Variants in COL22A1 observed in about 807,000 individuals in gnomAD.
The protein encoded by COL22A1 is collagen type XXII alpha 1 chain, also known as collagen alpha-1(XXII) chain.
Under a neutral mutation model 248.9 loss-of-function variants are expected in COL22A1, and 221 were observed. The observed-to-expected ratio is 0.89, with a 90% confidence interval of 0.80 to 0.99. The LOEUF (loss-of-function observed/expected upper bound fraction) is 0.99, where lower values mean the gene tolerates loss of function less well. COL22A1 is among the 50% of genes least tolerant of loss of function. The pLI is 0.00. For missense variants in COL22A1, 2,240 were observed against 2,179.0 expected, an observed-to-expected ratio of 1.03 and a Z score of -0.56; for synonymous variants, 891 against 793.4, an observed-to-expected ratio of 1.12 and a Z score of -2.07.
At chr8:138,591,290 T>C (rs1817017679) in intron 64 of COL22A1, 134 bp downstream of exon 64, 3 of 451,566 alleles carry the variant, frequency 6.6e-6, no homozygotes. Flanking sequence ...GTGAGTGATC[T>C]CTGTCTCCTC....
chr8:138,795,707 T>A (rs1816453767), intron 12 of COL22A1, among the ~76,000 whole-genome samples: 1 of 152,262 alleles, frequency 6.6e-6, no homozygotes, highest in South Asian at 2.1e-4. Context: ...AATAATGTAT[T>A]TTGCCCACCA....
chr8:138,830,354 GA>G (rs886952572), intron 5 of COL22A1, among the ~76,000 whole-genome samples: 1 of 152,220 alleles, frequency 6.6e-6, no homozygotes, highest in East Asian at 1.9e-4. Flanking sequence ...AAAAAGGTGA[GA>G]AAAAATGTAA....
intron 23 of COL22A1, among the ~76,000 whole-genome samples, chr8:138,736,505 C>T (rs1197873097): frequency 6.6e-6 from 1 of 152,058 alleles, no homozygotes; most frequent in African/African-American, 2.4e-5. Flanking sequence ...CAGAGGGTGG[C>T]CCTGAGTGAA....
intron 35 of COL22A1, among the ~76,000 whole-genome samples, chr8:138,691,707 GGTGT>G (rs1396147746): frequency 1.9e-5 from 1 of 54,026 alleles, no homozygotes; most frequent in Non-Finnish European, 3.8e-5. Flanking sequence ...TATTTGTGGA[GGTGT>G]GTTTATGTGT....
chr8:138,759,288 T>C (rs1833260410), intron 18 of COL22A1, among the ~76,000 whole-genome samples: 2 of 152,202 alleles, frequency 1.3e-5, no homozygotes, highest in Non-Finnish European at 2.9e-5. Flanking sequence ...TTAGAGCATA[T>C]GCTGGAAACC....
chr8:138,608,459 C>T (rs937762226), intron 56 of COL22A1, among the ~76,000 whole-genome samples: 1 of 152,130 alleles, frequency 6.6e-6, no homozygotes, highest in African/African-American at 2.4e-5. Context: ...GATCATTATA[C>T]TCTCATTTAA....
intron 15 of COL22A1, chr8:138,778,030 G>A (rs1176911699): frequency 4.7e-6 from 2 of 424,860 alleles, no homozygotes; most frequent in Admixed American, 7.2e-5. Context: ...TACAGGACAG[G>A]CTGGGGAAAA....
intron 12 of COL22A1, among the ~76,000 whole-genome samples, chr8:138,784,101 G>A (rs1815286930): frequency 6.6e-6 from 1 of 152,234 alleles, no homozygotes; most frequent in African/African-American, 2.4e-5. Context: ...AGGGTTCGAA[G>A]ATGTTAGTTG....
chr8:138,717,862 C>T (rs370365318), intron 27 of COL22A1, among the ~76,000 whole-genome samples: 22 of 152,212 alleles, frequency 1.4e-4, no homozygotes, highest in South Asian at 1.0e-3. Flanking sequence ...GTGGTGAGCG[C>T]GGACTATCAT....
intron 23 of COL22A1, among the ~76,000 whole-genome samples, chr8:138,732,378 T>C: frequency 6.6e-6 from 1 of 152,238 alleles, no homozygotes; most frequent in South Asian, 2.1e-4. Context: ...AAGAAAAATC[T>C]GGGACTTTGG....
intron 31 of COL22A1, 42 bp downstream of exon 31, chr8:138,703,264 T>C (rs1268939791): frequency 3.8e-6 from 6 of 1,565,740 alleles, no homozygotes; most frequent in East Asian, 2.2e-5. Flanking sequence ...AATCCCAATA[T>C]AGGAATTCAG....
chr8:138,780,779 C>T, intron 13 of COL22A1, 148 bp downstream of exon 13: 1 of 719,562 alleles, frequency 1.4e-6, no homozygotes, highest in East Asian at 2.6e-5. Context: ...GGCTGAGCTC[C>T]TGGTATCTGC....
chr8:138,691,696 A>G (rs1826909757), intron 35 of COL22A1, among the ~76,000 whole-genome samples: 2 of 22,762 alleles, frequency 8.8e-5, no homozygotes, highest in Admixed American at 1.2e-3. Context: ...GCATGTGTGC[A>G]TATTTGTGGA....
intron 3 of COL22A1, among the ~76,000 whole-genome samples, chr8:138,865,427 G>T (rs534038395): frequency 6.7e-6 from 1 of 149,092 alleles, no homozygotes; most frequent in African/African-American, 2.5e-5. Context: ...TTGTAGGCAC[G>T]TGTGTGGTGT....
chr8:138,623,885 G>A (rs1820036329), intron 51 of COL22A1, 100 bp from the exon 52 acceptor site: 5 of 1,019,120 alleles, frequency 4.9e-6, no homozygotes, highest in Admixed American at 2.2e-5. Context: ...GCTTCCAGCA[G>A]TTGCCTTCAC....
chr8:138,634,191 A>C (rs1820953309), intron 49 of COL22A1, among the ~76,000 whole-genome samples: 1 of 152,218 alleles, frequency 6.6e-6, no homozygotes, highest in African/African-American at 2.4e-5. Context: ...ATGACAAAGC[A>C]AGCTTAATTT....
chr8:138,838,025 T>C (rs1270482680), intron 4 of COL22A1, among the ~76,000 whole-genome samples: 2 of 151,866 alleles, frequency 1.3e-5, no homozygotes, highest in Admixed American at 6.6e-5. Flanking sequence ...AGGGGGTCGC[T>C]GCTGAAGAAA....
intron 3 of COL22A1, among the ~76,000 whole-genome samples, chr8:138,847,425 G>T (rs372430511): frequency 6.6e-6 from 1 of 152,142 alleles, no homozygotes; most frequent in African/African-American, 2.4e-5. Flanking sequence ...CCACTTCTTT[G>T]TTGCTAAATA....
intron 45 of COL22A1, 64 bp downstream of exon 45, chr8:138,655,833 T>A: frequency 7.4e-7 from 1 of 1,359,730 alleles, no homozygotes; most frequent in Non-Finnish European, 1.1e-6. Context: ...CAACTTATTA[T>A]CAAGATCTCC....
Sources: gnomAD v4.1 joint callset for allele counts (sites outside exome capture counted in the v4.1 genomes callset) on GRCh38, gnomAD v4.1.1 for gene constraint, MANE v1.5 for transcripts, NCBI Gene and HGNC (gene_info 2026-07-23, HGNC 2026-07-21) for gene names.